The following SESTD1 variants were observed in gnomAD, a reference collection of about 807,000 sequenced individuals.
SESTD1 encodes SEC14 and spectrin domain containing 1, also known as SEC14 domain and spectrin repeat-containing protein 1.
Under a neutral mutation model 101.7 loss-of-function variants are expected in SESTD1, and 43 were observed. That is an observed-to-expected ratio of 0.42 (90% CI 0.33 to 0.55). The LOEUF (loss-of-function observed/expected upper bound fraction) is 0.55, where lower values mean the gene tolerates loss of function less well. Among genes scored for constraint, SESTD1 ranks in the 20% least tolerant of loss-of-function variants. SESTD1 has a pLI of 0.07. For missense variants in SESTD1, 647 were observed against 815.1 expected (o/e 0.79, Z 2.51); for synonymous variants, 283 against 286.8 (o/e 0.99, Z 0.13).
In SESTD1 at chr2:179,107,675, T is replaced by C. The variant is rs543434961; in HGVS notation, c.*2224A>G. 6.6e-6 allele frequency: 1 copy of C among 152,266 alleles called. No homozygotes were observed. Among genetic ancestry groups the C allele is most frequent in the South Asian group, 2.1e-4 (1 of 4,826 alleles). The allele number at this position is 152,266 out of a possible 1,614,324, so 9.4% of individuals were successfully genotyped here. A position where few individuals can be genotyped will look rare whatever the true frequency, so the allele number is the denominator to read the frequency against. ...GTTTAAAACATACTTCAGACTGCAA[T>C]GTAACAGGGATTATTACTAATGCCT... On this transcript the variant is annotated 3_prime_UTR_variant, in exon 18 of 18. Transcript: ENST00000428443.
Position 179,108,753 on chromosome 2 carries a change from A to T in SESTD1, c.*1146T>A, listed in dbSNP as rs919003187. ...CTGAAATAAAAATACATAAAATTTAAATTATATGCATTTTACCATTTAAAC... is the reference window on the plus strand; with the variant it reads ...CTGAAATAAAAATACATAAAATTTATATTATATGCATTTTACCATTTAAAC... On this transcript the variant is annotated 3_prime_UTR_variant, in exon 18 of 18. Transcript: ENST00000428443. 2.6e-5 allele frequency: 4 copies of T among 152,126 alleles called. No individual in the cohort carries two copies. The highest frequency in any genetic ancestry group is 5.9e-5 in the Non-Finnish European group (4 of 68,010). 9.4% of individuals were successfully genotyped at this position (152,126 alleles called of 1,614,324 possible).
At chr2:179,120,653 T>G (rs187731744) in intron 13 of SESTD1, among the ~76,000 whole-genome samples, 1 of 152,332 alleles carries the variant, frequency 6.6e-6, no homozygotes, top group Admixed American at 6.5e-5. Flanking sequence ...CTCTGAACTT[T>G]AAGTAAGATA....
At chr2:179,151,066 T>TC (rs756147582) in intron 6 of SESTD1, among the ~76,000 whole-genome samples, 2 of 152,196 alleles carry the variant, frequency 1.3e-5, no homozygotes, top group Non-Finnish European at 2.9e-5. Context: ...ATTAAACGCA[T>TC]TGTTGAAGGC....
intron 5 of SESTD1, among the ~76,000 whole-genome samples, 155 bp from the exon 6 acceptor site, chr2:179,151,546 A>G (rs567480635): frequency 3.3e-5 from 5 of 152,338 alleles, no homozygotes; most frequent in Admixed American, 6.5e-5. Context: ...AACCAATTCA[A>G]TAAGTTATAG....
chr2:179,147,986 T>C (rs2045432498), intron 7 of SESTD1, among the ~76,000 whole-genome samples: 1 of 152,224 alleles, frequency 6.6e-6, no homozygotes, highest in South Asian at 2.1e-4. Context: ...AATCACATAT[T>C]TATATACATA....
chr2:179,214,659 C>G lies in SESTD1; in HGVS notation c.-25-22793G>C, dbSNP rs2046694303. On this transcript the variant is annotated intron_variant, in intron 1 of 17. Transcript: ENST00000428443. The stretch of plus-strand genomic sequence containing the variant: ...AGACCTAATAGATGTCTACAGAACT[C>G]TCCATCCCAAATCAACAGAACACAC... Among the ~76,000 whole-genome samples the G allele has an allele frequency of 1.5e-5, 2 of 135,156 alleles. 1 individual carries two copies. The highest frequency in any genetic ancestry group is 3.2e-5 in the Non-Finnish European group (2 of 62,888). The allele number at this position is 135,156 out of a possible 152,430, so 88.7% of individuals were successfully genotyped here. A position where few individuals can be genotyped will look rare whatever the true frequency, so the allele number is the denominator to read the frequency against.
chr2:179,231,605 C>T (rs921165287), intron 1 of SESTD1, among the ~76,000 whole-genome samples: 1 of 150,102 alleles, frequency 6.7e-6, no homozygotes, highest in Admixed American at 6.6e-5. Flanking sequence ...GTATTTATAA[C>T]ATAAGAGTTG....
At chr2:179,159,081 G>C (rs564888029) in intron 5 of SESTD1, among the ~76,000 whole-genome samples, 1 of 152,298 alleles carries the variant, frequency 6.6e-6, no homozygotes, top group Non-Finnish European at 1.5e-5. Context: ...GAAAAAGAAT[G>C]AAGGGAAAAG....
At chr2:179,253,781 T>C (rs1168825352) in intron 1 of SESTD1, among the ~76,000 whole-genome samples, 1 of 152,138 alleles carries the variant, frequency 6.6e-6, no homozygotes, top group Non-Finnish European at 1.5e-5. Flanking sequence ...AAGGAAGAAT[T>C]TGTAATGTGT....
At position 179,203,157 on chromosome 2, in the gene SESTD1, T is replaced by C. The variant is rs1384627347; in HGVS notation, c.-25-11291A>G. Among the ~76,000 whole-genome samples, 10 of 134,564 alleles carry C rather than the reference T, an allele frequency of 7.4e-5. 2 individuals carry two copies. Among genetic ancestry groups the C allele is most frequent in the Admixed American group, 7.2e-4 (10 of 13,850 alleles). The allele number at this position is 134,564 out of a possible 152,430, so 88.3% of individuals were successfully genotyped here. A position where few individuals can be genotyped will look rare whatever the true frequency, so the allele number is the denominator to read the frequency against. On this transcript the variant is annotated intron_variant, in intron 1 of 17. Transcript: ENST00000428443. ...CAACCTGCAGGCACAATGACCTTTT[T>C]CCCCTTGCAGATAGCCCCCTTGCAG...
chr2:179,158,673 A>AT (rs2045675972), intron 5 of SESTD1, among the ~76,000 whole-genome samples: 1 of 152,210 alleles, frequency 6.6e-6, no homozygotes, highest in African/African-American at 2.4e-5. Flanking sequence ...AGTTTTAAAT[A>AT]AGGGAAGGAC....
chr2:179,208,640 G>C (rs2046617089), intron 1 of SESTD1, among the ~76,000 whole-genome samples: 1 of 134,690 alleles, frequency 7.4e-6, no homozygotes, highest in Non-Finnish European at 1.6e-5. Context: ...ATAAATGAAG[G>C]AGAGATAAAG....
At chr2:179,120,172 T>C (rs2044717008) in intron 13 of SESTD1, among the ~76,000 whole-genome samples, 1 of 151,848 alleles carries the variant, frequency 6.6e-6, no homozygotes, top group African/African-American at 2.4e-5. Context: ...GATGTTGCAG[T>C]GAGCCTTGAT....
intron 1 of SESTD1, among the ~76,000 whole-genome samples, chr2:179,236,566 A>G (rs149695061): frequency 2.0e-5 from 3 of 152,176 alleles, no homozygotes; most frequent in African/African-American, 7.2e-5. Flanking sequence ...CAAAGGGTAG[A>G]TGTTAAGAAA....
At chr2:179,158,344 C>G (rs1026052604) in intron 5 of SESTD1, among the ~76,000 whole-genome samples, 1 of 152,156 alleles carries the variant, frequency 6.6e-6, no homozygotes, top group African/African-American at 2.4e-5. Flanking sequence ...TCTATCCACA[C>G]TGGTTAGCCT....
intron 1 of SESTD1, among the ~76,000 whole-genome samples, chr2:179,249,224 A>AAG (rs916484551): frequency 2.6e-4 from 40 of 151,348 alleles, no homozygotes; most frequent in African/African-American, 9.4e-4. Flanking sequence ...AAAAAAAAAA[A>AAG]AAAAAGAAGA....
At chr2:179,198,681 T>C (rs2046446883) in intron 1 of SESTD1, among the ~76,000 whole-genome samples, 1 of 151,706 alleles carries the variant, frequency 6.6e-6, no homozygotes, top group Non-Finnish European at 1.5e-5. Flanking sequence ...ACATGGAAAC[T>C]GAACAACCTG....
chr2:179,201,062 C>A lies in SESTD1; in HGVS notation c.-25-9196G>T, dbSNP rs375898854. On this transcript the variant is annotated intron_variant, in intron 1 of 17. Coordinates refer to ENST00000428443, the MANE Select transcript of SESTD1 (RefSeq NM_178123.5). ...AATATCCAGAATCTACAATGAACTC[C>A]AACAAATTTACAAGAAAAAAACAAA... 2.6e-4 allele frequency among the ~76,000 whole-genome samples: 35 copies of A among 133,440 alleles called. 4 individuals carry two copies. Among genetic ancestry groups the A allele is most frequent in the South Asian group, 1.2e-3 (4 of 3,430 alleles). The allele number at this position is 133,440 out of a possible 152,430, so 87.5% of individuals were successfully genotyped here.
At chr2:179,111,162 G>A (rs908461609) in intron 17 of SESTD1, among the ~76,000 whole-genome samples, 1 of 152,192 alleles carries the variant, frequency 6.6e-6, no homozygotes, top group Non-Finnish European at 1.5e-5. Context: ...GCTACTAGCT[G>A]AATTTTGTTG....
Sources: gnomAD v4.1 joint callset for allele counts (sites outside exome capture counted in the v4.1 genomes callset) on GRCh38, gnomAD v4.1.1 for gene constraint, MANE v1.5 for transcripts, NCBI Gene and HGNC (gene_info 2026-07-23, HGNC 2026-07-21) for gene names.